The following CUX1 variants were observed in gnomAD, a reference collection of about 807,000 sequenced individuals.
The protein encoded by CUX1 is protein CASP.
Under a neutral mutation model 158.8 loss-of-function variants are expected in CUX1, and 31 were observed. That is an observed-to-expected ratio of 0.20 (90% CI 0.15 to 0.26). The LOEUF is 0.26. CUX1 is among the 10% of genes least tolerant of loss of function. CUX1 has a pLI of 1.00. For synonymous variants in CUX1, 879 were observed against 862.1 expected (o/e 1.02, Z -0.34); for missense variants, 1,589 against 2,014.6 (o/e 0.79, Z 4.04).
At chr7:102,038,501 C>T (rs1343524243) in intron 3 of CUX1, among the ~76,000 whole-genome samples, 6 of 152,174 alleles carry the variant, frequency 3.9e-5, no homozygotes, top group Non-Finnish European at 8.8e-5. Flanking sequence ...TAAAATAACT[C>T]ATCTGCAAGT....
intron 20 of CUX1, among the ~76,000 whole-genome samples, chr7:102,224,140 G>GTC (rs1161751476): frequency 6.6e-6 from 1 of 152,210 alleles, no homozygotes; most frequent in African/African-American, 2.4e-5. Flanking sequence ...GCATGCAGAT[G>GTC]TCTGTTGGCG....
At chr7:101,850,141 C>T (rs899913365) in intron 1 of CUX1, among the ~76,000 whole-genome samples, 1 of 151,978 alleles carries the variant, frequency 6.6e-6, no homozygotes, top group Non-Finnish European at 1.5e-5. Context: ...CCAGGCTGGT[C>T]TCAAACTCCT....
At chr7:102,016,285 T>C (rs1297684395) in intron 2 of CUX1, among the ~76,000 whole-genome samples, 1 of 152,200 alleles carries the variant, frequency 6.6e-6, no homozygotes, top group African/African-American at 2.4e-5. Flanking sequence ...CCACATGCCC[T>C]TCTGCAGCAC....
At chr7:101,984,795 A>G (rs1171509749) in intron 2 of CUX1, among the ~76,000 whole-genome samples, 5 of 152,238 alleles carry the variant, frequency 3.3e-5, no homozygotes, top group African/African-American at 1.2e-4. Context: ...ACCGCGCAAG[A>G]AGAAATATAT....
chr7:102,235,488 G>T (rs1799459991), intron 22 of CUX1, among the ~76,000 whole-genome samples: 1 of 152,070 alleles, frequency 6.6e-6, no homozygotes, highest in Non-Finnish European at 1.5e-5. Flanking sequence ...ATCACTTGAG[G>T]TTCAGAGTTC....
chr7:102,259,330 G>A (rs58730208), downstream of CUX1, among the ~76,000 whole-genome samples: 1 of 152,012 alleles, frequency 6.6e-6, no homozygotes, highest in African/African-American at 2.4e-5. Flanking sequence ...GCTCACGCCT[G>A]TAATCCCAGC....
At chr7:101,930,262 G>A (rs982711054) in intron 2 of CUX1, among the ~76,000 whole-genome samples, 4 of 152,196 alleles carry the variant, frequency 2.6e-5, no homozygotes, top group African/African-American at 9.7e-5. Flanking sequence ...CTATATGTCA[G>A]GGGGAATGTT....
intron 3 of CUX1, among the ~76,000 whole-genome samples, chr7:102,042,776 T>G (rs1442658368): frequency 6.6e-6 from 1 of 152,032 alleles, no homozygotes; most frequent in East Asian, 1.9e-4. Context: ...ATTTATAGTG[T>G]ATAATGTGAT....
At chr7:101,957,707 CAG>C (rs1809940425) in intron 2 of CUX1, among the ~76,000 whole-genome samples, 1 of 152,092 alleles carries the variant, frequency 6.6e-6, no homozygotes, top group Admixed American at 6.6e-5. Context: ...GCCTGGGCAA[CAG>C]AGTGAGATTC....
intron 2 of CUX1, among the ~76,000 whole-genome samples, chr7:101,944,653 G>A (rs1339419419): frequency 6.6e-6 from 1 of 152,218 alleles, no homozygotes; most frequent in African/African-American, 2.4e-5. Context: ...AAGACACCCT[G>A]GGTCGTTTCC....
chr7:101,912,216 C>T (rs188435012), intron 1 of CUX1, among the ~76,000 whole-genome samples: 3 of 134,470 alleles, frequency 2.2e-5, no homozygotes, highest in East Asian at 2.7e-4. Flanking sequence ...CCCCTCTTCC[C>T]CCTCCCCTCT....
intron 2 of CUX1, among the ~76,000 whole-genome samples, chr7:101,936,387 G>A (rs565428259): frequency 2.6e-5 from 4 of 152,124 alleles, no homozygotes; most frequent in Admixed American, 6.6e-5. Flanking sequence ...AGGCACGAAC[G>A]TCATTTCCAG....
intron 11 of CUX1, among the ~76,000 whole-genome samples, chr7:102,184,383 G>A (rs1263220418): frequency 6.6e-6 from 1 of 152,194 alleles, no homozygotes; most frequent in East Asian, 1.9e-4. Context: ...TGGGCTCCGT[G>A]TATCTTTTCC....
In CUX1 at chr7:102,253,907, C is replaced by T. The variant is rs1211680660; in HGVS notation, c.*4865C>T. 4.1e-6 allele frequency: 4 copies of T among 985,702 alleles called. No individual in the cohort carries two copies. In the African/African-American group the frequency reaches 7.0e-5, roughly 17 times the overall value. The allele number at this position is 985,702 out of a possible 1,614,324, so 61.1% of individuals were successfully genotyped here. A position where few individuals can be genotyped will look rare whatever the true frequency, so the allele number is the denominator to read the frequency against. ...TCCCTCCCCAGATGTCCTCCCTCTT[C>T]TTCACACTCCTCATTGTCCCTTCTA... On this transcript the variant is annotated 3_prime_UTR_variant, in exon 24 of 24. Transcript: ENST00000292535.
chr7:102,248,503 G>A lies in CUX1; in HGVS notation c.3979G>A (p.Gly1327Ser), dbSNP rs1801067410. 4 of 1,559,678 alleles carry A rather than the reference G, an allele frequency of 2.6e-6. No homozygotes were observed. The African/African-American group carries it at 4.1e-5, about 16-fold the overall frequency. Residue 1327 changes from glycine to serine, a missense_variant, in exon 24 of 24, where the codon GGC (glycine) becomes AGC (serine). Gly to Ser is a moderately conservative substitution (Grantham distance 56). Around this residue, in one of 8 missense-constraint regions of CUX1, gnomAD observed 344 missense variants for 323.7 expected, o/e 1.06. Transcript: ENST00000292535. The surrounding 1 kb of genome is among the most constrained non-coding windows in gnomAD (Gnocchi z 5.8). Reference sequence around the variant, plus strand: ...CAGCGACTCACCCTCGGCCCGCAGCGGCCGGGCGGCGCCCAGCTCGGAGGG... The same window carrying A: ...CAGCGACTCACCCTCGGCCCGCAGCAGCCGGGCGGCGCCCAGCTCGGAGGG... ...GASDSPSARS[G>S]RAAPSSEGDS...
Position 101,984,090 on chromosome 7 carries a change from ATAT to A in CUX1, c.142-44007_142-44005del, listed in dbSNP as rs1306335603. Among the ~76,000 whole-genome samples, 242 of 34,958 alleles carry A rather than the reference ATAT, an allele frequency of 6.9e-3. 11 individuals are homozygous for A. Among genetic ancestry groups the A allele is most frequent in the African/African-American group, 0.02 (148 of 7,444 alleles). 22.9% of individuals were successfully genotyped at this position (34,958 alleles called of 152,430 possible). A position where few individuals can be genotyped will look rare whatever the true frequency, so the allele number is the denominator to read the frequency against. On this transcript the variant is annotated intron_variant, in intron 2 of 23. Coordinates refer to ENST00000292535, the MANE Select transcript of CUX1 (RefSeq NM_181552.4). The stretch of plus-strand genomic sequence containing the variant: ...TCTGTCCCCCCCCAAAAAAAAAAAA[ATAT>A]ATATATATATATATATATATATATA...
intron 1 of CUX1, among the ~76,000 whole-genome samples, chr7:101,841,094 C>T (rs1010311042): frequency 9.2e-5 from 14 of 151,920 alleles, no homozygotes; most frequent in Admixed American, 7.2e-4. Context: ...GGGGTTTCAC[C>T]GTGTTAGGCA....
At chr7:101,934,296 T>G (rs1320634673) in intron 2 of CUX1, among the ~76,000 whole-genome samples, 1 of 152,204 alleles carries the variant, frequency 6.6e-6, no homozygotes, top group Non-Finnish European at 1.5e-5. Flanking sequence ...TTTTGTTTAT[T>G]TTAGAGATAG....
chr7:101,917,064 C>T (rs1352295278), intron 2 of CUX1, among the ~76,000 whole-genome samples: 2 of 152,172 alleles, frequency 1.3e-5, no homozygotes, highest in African/African-American at 4.8e-5. Flanking sequence ...GGGAAGGGGT[C>T]GCAGCAGCCC....
Sources: gnomAD v4.1 joint callset for allele counts (sites outside exome capture counted in the v4.1 genomes callset) on GRCh38, gnomAD v4.1.1 for gene constraint, gnomAD v4.1.1 regional missense constraint, Gnocchi (gnomAD v3.1) non-coding constraint, MANE v1.5 for transcripts, NCBI Gene and HGNC (gene_info 2026-07-23, HGNC 2026-07-21) for gene names.